Variants in CACNA1H observed in about 807,000 individuals in gnomAD.
CACNA1H encodes voltage-dependent T-type calcium channel subunit alpha-1H.
A neutral mutation model predicts 192.5 loss-of-function variants in CACNA1H; 149 were observed. The ratio of observed to expected loss-of-function variants is 0.77; its 90% confidence interval spans 0.68 to 0.89. The LOEUF is 0.89. Ranked by LOEUF, CACNA1H falls within the 40% of genes least tolerant of loss-of-function variation. CACNA1H has a pLI of 0.00. For synonymous variants in CACNA1H, 2,202 were observed against 1,475.2 expected (o/e 1.49, Z -11.29); for missense variants, 4,257 against 3,423.5 (o/e 1.24, Z -6.08).
intron 5 of CACNA1H, among the ~76,000 whole-genome samples, chr16:1,196,897 C>T (rs573248465): frequency 1.2e-4 from 19 of 152,282 alleles, no homozygotes; most frequent in African/African-American, 4.3e-4. Flanking sequence ...CCCCACGAGG[C>T]CGTACCAGGC....
rs559927639 is a variant in CACNA1H, at chr16:1,167,375, G to A, written c.299+13339G>A. Among the ~76,000 whole-genome samples, 2 of 152,240 alleles carry A rather than the reference G, an allele frequency of 1.3e-5. No homozygotes were observed. The highest frequency in any genetic ancestry group is 2.1e-4 in the South Asian group (1 of 4,828). On this transcript the variant is annotated intron_variant, in intron 2 of 34. Transcript: ENST00000348261. The surrounding 1 kb of genome is among the most constrained non-coding windows in gnomAD (Gnocchi z 4.2). ...GCGGGCGGGGTGGCGCCCGGGCCGC[G>A]GGTGGGAGAATCTGGCGTGTGTGTT...
intron 17 of CACNA1H, 76 bp from the exon 18 acceptor site, chr16:1,209,959 G>A (rs528508911): frequency 9.0e-6 from 10 of 1,113,240 alleles, no homozygotes; most frequent in Non-Finnish European, 1.2e-5. Flanking sequence ...GGGTGGCCGA[G>A]CTGAGCACAG....
Position 1,195,465 on chromosome 16 carries a change from G to T in CACNA1H, c.445G>T (p.Val149Leu). ...FDAFIFAFFA[V>L]EMVIKMVALG... ...CGCCTTCATTTTCGCCTTTTTTGCG[G>T]TGGAGATGGTCATCAAGATGGTGGC... The change falls in exon 4 of 35, where the codon GTG becomes TTG. Residue 149 changes from valine (V) to leucine (L), a missense_variant. Val to Leu is a conservative substitution (Grantham distance 32, BLOSUM62 1). Coordinates refer to ENST00000348261, the MANE Select transcript of CACNA1H (RefSeq NM_021098.3). 1 of 1,572,242 alleles carries T rather than the reference G, an allele frequency of 6.4e-7. No individual in the cohort carries two copies. The highest frequency in any genetic ancestry group is 2.3e-5 in the East Asian group (1 of 42,730).
At chr16:1,193,687 C>T (rs1966809123) in intron 2 of CACNA1H, among the ~76,000 whole-genome samples, 1 of 152,236 alleles carries the variant, frequency 6.6e-6, no homozygotes, top group African/African-American at 2.4e-5. Flanking sequence ...AGTGTAATTA[C>T]CGCACTCTTG....
intron 11 of CACNA1H, among the ~76,000 whole-genome samples, chr16:1,205,497 G>A (rs574988052): frequency 9.2e-5 from 14 of 152,360 alleles, no homozygotes; most frequent in Non-Finnish European, 7.3e-5. Flanking sequence ...GTGCGCACCT[G>A]TTAGGTCAGC....
In CACNA1H at chr16:1,200,754, C is replaced by A; in HGVS notation, c.1158C>A (p.Tyr386Ter). 1 of 1,557,822 alleles carries A rather than the reference C, an allele frequency of 6.4e-7. No individual in the cohort carries two copies. Among genetic ancestry groups the A allele is most frequent in the Non-Finnish European group, 8.7e-7 (1 of 1,150,816 alleles). The change falls in exon 8 of 35, where the codon TAC (tyrosine) becomes TAA (stop). Residue 386 changes from tyrosine to a stop codon, truncating the protein, a stop_gained. Transcript: ENST00000348261. LOFTEE classifies it high-confidence loss of function. The part of the protein sequence containing the change: ...TLEGWVDIMY[Y>*]VMDAHSFYNF... ...AAGGCTGGGTGGACATCATGTACTA[C>A]GTCATGGACGCCCACTCATTCTACA...
Position 1,154,625 on chromosome 16 carries a change from G to T in CACNA1H, c.299+589G>T, listed in dbSNP as rs1266584031. Among the ~76,000 whole-genome samples the T allele has an allele frequency of 3.3e-5, 5 of 152,292 alleles. No homozygotes were observed. In the East Asian group the frequency reaches 9.7e-4, roughly 29 times the overall value. On this transcript the variant is annotated intron_variant, in intron 2 of 34. Transcript: ENST00000348261. ...CTTTTTCTGGCTGAACTCGGTGGCG[G>T]GGCTGACTTAAGTCATGCGCAGCTG...
At chr16:1,154,967 C>T (rs1177124036) in intron 2 of CACNA1H, among the ~76,000 whole-genome samples, 2 of 152,168 alleles carry the variant, frequency 1.3e-5, no homozygotes, top group East Asian at 1.9e-4. Flanking sequence ...GTGGCCAGGC[C>T]GTGGCTTCTG....
chr16:1,219,632 C>T lies in CACNA1H; in HGVS notation c.6049-349C>T, dbSNP rs143649327. Among the ~76,000 whole-genome samples the T allele has an allele frequency of 4.8e-3, 737 of 152,352 alleles. 6 individuals carry two copies. Among genetic ancestry groups the T allele is most frequent in the African/African-American group, 0.017 (687 of 41,576 alleles). Reference sequence around the variant, plus strand: ...TGCTGCCCAGTACAAGACGCCTGTACCGCACAGGAGCAGTTAGGAGAGCCC... The same window carrying T: ...TGCTGCCCAGTACAAGACGCCTGTATCGCACAGGAGCAGTTAGGAGAGCCC... On this transcript the variant is annotated intron_variant, in intron 34 of 34. Transcript: ENST00000348261.
At chr16:1,189,614 G>T (rs543504256) in intron 2 of CACNA1H, among the ~76,000 whole-genome samples, 67 of 151,948 alleles carry the variant, frequency 4.4e-4, no homozygotes, top group Admixed American at 3.3e-4. Context: ...TAGCAATGGG[G>T]TCTCACTGTG....
At chr16:1,219,351 G>A (rs996695258) in intron 34 of CACNA1H, among the ~76,000 whole-genome samples, 1 of 152,218 alleles carries the variant, frequency 6.6e-6, no homozygotes, top group African/African-American at 2.4e-5. Context: ...AGAGCTCTTG[G>A]CTACAGGGAC....
At chr16:1,217,822 C>A in intron 31 of CACNA1H, 97 bp from the exon 32 acceptor site, 1 of 1,436,070 alleles carries the variant, frequency 7.0e-7, no homozygotes, top group Non-Finnish European at 9.3e-7. Context: ...GGCTATCCTG[C>A]CTCTGGGCTC....
chr16:1,218,920 G>A (rs1970253120), intron 33 of CACNA1H, 50 bp from the exon 34 acceptor site: 4 of 1,539,806 alleles, frequency 2.6e-6, no homozygotes, highest in Middle Eastern at 2.2e-4. Flanking sequence ...GTGGCAGCTG[G>A]GCAGGAAGGC....
At chr16:1,217,559 T>C (rs1970129952) in intron 31 of CACNA1H, among the ~76,000 whole-genome samples, 1 of 152,204 alleles carries the variant, frequency 6.6e-6, no homozygotes, top group Admixed American at 6.5e-5. Context: ...CGACGGTGGG[T>C]GTGGCGTTGC....
intron 2 of CACNA1H, among the ~76,000 whole-genome samples, chr16:1,160,903 G>A (rs948781714): frequency 2.0e-5 from 3 of 152,108 alleles, no homozygotes; most frequent in South Asian, 2.1e-4. Flanking sequence ...CGCGGCCGGC[G>A]AGGACCGAGG....
At chr16:1,173,285 A>C (rs561297659) in intron 2 of CACNA1H, among the ~76,000 whole-genome samples, 2 of 152,104 alleles carry the variant, frequency 1.3e-5, no homozygotes, top group South Asian at 4.1e-4. Flanking sequence ...TGGCATCGGG[A>C]GGCCCAGCAG....
chr16:1,162,705 C>A (rs530851219), intron 2 of CACNA1H, among the ~76,000 whole-genome samples: 1 of 151,184 alleles, frequency 6.6e-6, no homozygotes, highest in South Asian at 2.1e-4. Flanking sequence ...GTCTGGGGGC[C>A]GCACTTGGCT....
At position 1,210,425 on chromosome 16, in the gene CACNA1H, C is replaced by T. The variant is rs1969297546; in HGVS notation, c.3901C>T (p.Leu1301Phe). Residue 1301 changes from leucine (L) to phenylalanine (F), a missense_variant, in exon 19 of 35, where the codon CTC becomes TTC. Transcript: ENST00000348261. The stretch of plus-strand genomic sequence containing the variant: ...ACACAAGATGTTTGATCACGTGGTC[C>T]TCGTCTTCATCTTCCTCAACTGCGT... ...ITHKMFDHVVLVFIFLNCVTI... is the reference protein window; with the variant it reads ...ITHKMFDHVVFVFIFLNCVTI... 2.5e-6 allele frequency: 4 copies of T among 1,596,716 alleles called. No individual in the cohort carries two copies. Among genetic ancestry groups the T allele is most frequent in the East Asian group, 2.3e-5 (1 of 43,706 alleles).
At chr16:1,188,566 C>A (rs1966289697) in intron 2 of CACNA1H, among the ~76,000 whole-genome samples, 1 of 152,214 alleles carries the variant, frequency 6.6e-6, no homozygotes, top group South Asian at 2.1e-4. Context: ...CGCGGGAATG[C>A]AGGCCTTGCT....
Sources: gnomAD v4.1 joint callset for allele counts (sites outside exome capture counted in the v4.1 genomes callset) on GRCh38, gnomAD v4.1.1 for gene constraint, Gnocchi (gnomAD v3.1) non-coding constraint, MANE v1.5 for transcripts, NCBI Gene and HGNC (gene_info 2026-07-23, HGNC 2026-07-21) for gene names.